The following RGS6 variants were observed in gnomAD, a reference collection of about 807,000 sequenced individuals.
RGS6 encodes the protein regulator of G-protein signaling 6.
RGS6 carries 30 observed loss-of-function variants against 78.5 expected under a neutral mutation model. The ratio of observed to expected loss-of-function variants is 0.38; its 90% CI spans 0.29 to 0.52. The LOEUF is 0.52. Ranked by LOEUF, RGS6 falls within the 20% of genes least tolerant of loss-of-function variation. The probability of loss-of-function intolerance (pLI) is 0.85; values close to 1 mark genes in which losing one functional copy is unlikely to be tolerated. For synonymous variants in RGS6, 206 were observed against 206.0 expected (o/e 1.00, Z 0.00); for missense variants, 495 against 609.7 (o/e 0.81, Z 1.98).
At chr14:72,246,821 G>A (rs762099260) in intron 2 of RGS6, among the ~76,000 whole-genome samples, 4 of 151,518 alleles carry the variant, frequency 2.6e-5, no homozygotes, top group African/African-American at 4.9e-5. Flanking sequence ...CAAGAGAATC[G>A]CTTGAACCTG....
the RGS6 span, among the ~76,000 whole-genome samples, chr14:72,600,390 C>T: frequency 1.7e-4 from 26 of 150,386 alleles, no homozygotes; most frequent in South Asian, 4.8e-3. Context: ...ACTTCCCTGA[C>T]GAACATCCTT....
At chr14:72,334,386 G>C (rs1035082778) in intron 2 of RGS6, among the ~76,000 whole-genome samples, 1 of 152,312 alleles carries the variant, frequency 6.6e-6, no homozygotes, top group East Asian at 1.9e-4. Context: ...GGCAGGGCAG[G>C]GGGTGGGGAG....
At chr14:72,547,039 T>C (rs2097416799) in intron 17 of RGS6, 2 of 786,816 alleles carry the variant, frequency 2.5e-6, no homozygotes, top group Non-Finnish European at 2.0e-6. Flanking sequence ...ATGGGAACTG[T>C]GTGGGCTCCC....
intron 2 of RGS6, among the ~76,000 whole-genome samples, chr14:72,263,430 G>T (rs146468179): frequency 5.9e-5 from 9 of 152,260 alleles, no homozygotes; most frequent in African/African-American, 2.2e-4. Context: ...CTGTTGACAT[G>T]ATGGCTGTGG....
At chr14:71,881,401 G>A in the RGS6 span, among the ~76,000 whole-genome samples, 1 of 152,186 alleles carries the variant, frequency 6.6e-6, no homozygotes, top group Non-Finnish European at 1.5e-5. Flanking sequence ...TGGTTTGGCT[G>A]TGTCCCCACC....
rs147137563 is a variant in RGS6 at position 72,149,379 on chromosome 14, G to T, written c.84+184504G>T. 7.8e-3 allele frequency among the ~76,000 whole-genome samples: 1,186 copies of T among 152,238 alleles called. 15 individuals are homozygous for T. The highest frequency in any genetic ancestry group is 0.026 in the African/African-American group (1,074 of 41,542). ...CAATGGGGGGAGTGTTGAAGAATTT[G>T]ACAACATGTTTTAAAACCACCACAT... On this transcript the variant is annotated intron_variant, in intron 2 of 17. Transcript: ENST00000553525.
At position 72,352,261 on chromosome 14, in the gene RGS6, G is replaced by A. The variant is rs553985337; in HGVS notation, c.184+67G>A. ...CCAAAGAGTTATAAGTCTAGATTGC[G>A]GCCTGAGGGGTGTCTGAAGATCTGT... On this transcript the variant is annotated intron_variant, in intron 3 of 17. Transcript: ENST00000553525. The A allele has an allele frequency of 4.5e-4, 516 of 1,145,694 alleles. 2 individuals are homozygous for A. Among genetic ancestry groups the A allele is most frequent in the Middle Eastern group, 1.2e-3 (6 of 5,042 alleles). The allele number at this position is 1,145,694 out of a possible 1,614,324, so 71.0% of individuals were successfully genotyped here.
At chr14:71,870,879 G>A in the RGS6 span, among the ~76,000 whole-genome samples, 3 of 152,198 alleles carry the variant, frequency 2.0e-5, no homozygotes, top group East Asian at 3.9e-4. Flanking sequence ...GAGGCCTTGG[G>A]CCTCCCATCC....
chr14:72,476,652 G>A (rs1017363868), intron 10 of RGS6, 90 bp from the exon 11 acceptor site: 32 of 929,340 alleles, frequency 3.4e-5, no homozygotes, highest in African/African-American at 2.3e-4. Flanking sequence ...GGGGATTCAC[G>A]AAATTGGATG....
At chr14:72,508,044 C>T (rs1047289654) in intron 13 of RGS6, among the ~76,000 whole-genome samples, 11 of 152,188 alleles carry the variant, frequency 7.2e-5, no homozygotes, top group African/African-American at 2.2e-4. Context: ...GATTTGTCTT[C>T]ATGTCTTGTT....
chr14:72,248,629 G>T (rs1394556324), intron 2 of RGS6, among the ~76,000 whole-genome samples: 1 of 152,102 alleles, frequency 6.6e-6, no homozygotes. Flanking sequence ...TCTTTCTTTG[G>T]TTACTTACCT....
intron 3 of RGS6, among the ~76,000 whole-genome samples, chr14:72,399,876 T>TATGGG (rs2092127497): frequency 6.6e-6 from 1 of 152,142 alleles, no homozygotes; most frequent in Admixed American, 6.5e-5. Flanking sequence ...CTCCAAGAAA[T>TATGGG]ATGGGACTAT....
chr14:72,319,463 C>G lies in RGS6; in HGVS notation c.85-32632C>G, dbSNP rs112066217. 9.2e-3 allele frequency among the ~76,000 whole-genome samples: 1,397 copies of G among 152,026 alleles called. 10 individuals carry two copies. Among genetic ancestry groups the G allele is most frequent in the South Asian group, 0.023 (112 of 4,808 alleles). Reference sequence around the variant, plus strand: ...CTCCCGGGTTCACGCCATTCTCCTGCCTCAGCCTCCCAAGTAGCTGGGACT... The same window carrying G: ...CTCCCGGGTTCACGCCATTCTCCTGGCTCAGCCTCCCAAGTAGCTGGGACT... On this transcript the variant is annotated intron_variant, in intron 2 of 17. Transcript: ENST00000553525.
intron 2 of RGS6, among the ~76,000 whole-genome samples, chr14:72,269,410 A>G (rs1021100597): frequency 6.6e-6 from 1 of 151,918 alleles, no homozygotes; most frequent in Non-Finnish European, 1.5e-5. Flanking sequence ...CCTCCATTCC[A>G]GCCACGTTGG....
intron 3 of RGS6, among the ~76,000 whole-genome samples, chr14:72,402,883 A>T: frequency 7.6e-6 from 1 of 132,328 alleles, no homozygotes. Context: ...TGCAACCTCC[A>T]TCTCCTGGGT....
chr14:72,429,061 G>C (rs765972071), intron 3 of RGS6, among the ~76,000 whole-genome samples: 44 of 152,134 alleles, frequency 2.9e-4, no homozygotes, highest in Non-Finnish European at 5.3e-4. Context: ...AAGTTTCCAG[G>C]TGTAGTGGCA....
intron 2 of RGS6, among the ~76,000 whole-genome samples, chr14:72,128,545 ATT>A (rs563902872): frequency 5.5e-5 from 8 of 146,336 alleles, no homozygotes; most frequent in Non-Finnish European, 1.1e-4. Context: ...GATTGTGTTG[ATT>A]TTTTTTTTTT....
At position 72,184,975 on chromosome 14, in the gene RGS6, C is replaced by T. The variant is rs1289782350; in HGVS notation, c.85-167120C>T. On this transcript the variant is annotated intron_variant, in intron 2 of 17. Transcript: ENST00000553525. ...TCTGCAAGCTGAGGAGCAAGGAAGC[C>T]AGTCCGAGTCCCAAAACCTCAAAAG... 2.0e-5 allele frequency among the ~76,000 whole-genome samples: 3 copies of T among 152,130 alleles called. No homozygotes were observed. The East Asian group carries it at 5.8e-4, about 29-fold the overall frequency.
At chr14:72,504,291 G>T (rs2096767820) in intron 13 of RGS6, among the ~76,000 whole-genome samples, 1 of 152,142 alleles carries the variant, frequency 6.6e-6, no homozygotes, top group South Asian at 2.1e-4. Context: ...TCAGGTTCTG[G>T]TTTCTTTTTG....
Sources: gnomAD v4.1 joint callset for allele counts (sites outside exome capture counted in the v4.1 genomes callset) on GRCh38, gnomAD v4.1.1 for gene constraint, MANE v1.5 for transcripts, NCBI Gene and HGNC (gene_info 2026-07-23, HGNC 2026-07-21) for gene names.